CSMD1: variants seen among roughly 807,000 people sequenced by gnomAD.
CSMD1 encodes the protein CUB and Sushi multiple domains 1.
Under a neutral mutation model 417.5 loss-of-function variants are expected in CSMD1, and 213 were observed. The observed-to-expected ratio is 0.51, with a 90% CI of 0.46 to 0.57. CSMD1 has a LOEUF of 0.57. Among genes scored for constraint, CSMD1 ranks in the 20% least tolerant of loss-of-function variants. The pLI is 0.00. For missense variants in CSMD1, 6,923 were observed against 4,529.7 expected (o/e 1.53, Z -15.17); for synonymous variants, 2,862 against 1,736.8 (o/e 1.65, Z -16.11).
chr8:3,266,065 C>T (rs1398392940), intron 26 of CSMD1, among the ~76,000 whole-genome samples: 3 of 151,684 alleles, frequency 2.0e-5, no homozygotes, highest in African/African-American at 7.3e-5. Context: ...GAAGTTATTA[C>T]CTTATGAATC....
At chr8:3,720,978 G>C (rs1258674877) in intron 6 of CSMD1, among the ~76,000 whole-genome samples, 1 of 150,016 alleles carries the variant, frequency 6.7e-6, no homozygotes, top group African/African-American at 2.5e-5. Flanking sequence ...ACTACACCCG[G>C]CTAATTTATT....
intron 1 of CSMD1, among the ~76,000 whole-genome samples, chr8:4,969,851 T>A (rs1462020987): frequency 6.6e-6 from 1 of 151,928 alleles, no homozygotes; most frequent in Non-Finnish European, 1.5e-5. Flanking sequence ...TCTCTTTACT[T>A]AAACAAGTAG....
chr8:4,236,049 T>C (rs75936198), intron 3 of CSMD1, among the ~76,000 whole-genome samples: 1 of 73,098 alleles, frequency 1.4e-5, no homozygotes, highest in Non-Finnish European at 2.9e-5. Flanking sequence ...GTTTTTTTTT[T>C]TTTTTTTTTT....
intron 11 of CSMD1, among the ~76,000 whole-genome samples, chr8:3,488,253 C>A (rs1818173187): frequency 6.6e-6 from 1 of 152,026 alleles, no homozygotes; most frequent in Non-Finnish European, 1.5e-5. Context: ...CAGGCATGCA[C>A]CACCACACCC....
intron 3 of CSMD1, among the ~76,000 whole-genome samples, chr8:4,252,264 C>T (rs1803132198): frequency 6.6e-6 from 1 of 152,176 alleles, no homozygotes; most frequent in Admixed American, 6.5e-5. Flanking sequence ...GCCTTCTGCC[C>T]ATCTTTCCTG....
chr8:4,987,057 A>G lies in CSMD1; in HGVS notation c.85+7275T>C, dbSNP rs576660100. Among the ~76,000 whole-genome samples, 13 of 152,318 alleles carry G rather than the reference A, an allele frequency of 8.5e-5. No individual in the cohort carries two copies. The South Asian group carries it at 2.3e-3, about 27-fold the overall frequency. ...CAGATATATCCATTGCATTTTTACT[A>G]TCTCAAAGTTAGAAGCCATATTTTA... is the stretch of plus-strand genomic sequence containing the variant. On this transcript the variant is annotated intron_variant, in intron 1 of 69. Transcript: ENST00000635120.
chr8:4,030,633 C>G (rs1298243738), intron 4 of CSMD1, among the ~76,000 whole-genome samples: 1 of 152,202 alleles, frequency 6.6e-6, no homozygotes, highest in Non-Finnish European at 1.5e-5. Context: ...CTGACATGCC[C>G]TGGAGGCATT....
chr8:4,026,087 T>C (rs1797051039), intron 4 of CSMD1, among the ~76,000 whole-genome samples: 1 of 152,014 alleles, frequency 6.6e-6, no homozygotes. Context: ...GCAGAATATA[T>C]ACTCATTTCA....
At chr8:4,683,955 A>C (rs193222010) in intron 1 of CSMD1, among the ~76,000 whole-genome samples, 6 of 152,314 alleles carry the variant, frequency 3.9e-5, no homozygotes, top group African/African-American at 1.4e-4. Context: ...ATCAAAAGAT[A>C]TTTATCACAG....
rs1799340207 is a variant in CSMD1, at chr8:3,784,491, A to G, written c.819-30449T>C. 3.9e-5 allele frequency among the ~76,000 whole-genome samples: 6 copies of G among 152,322 alleles called. No homozygotes were observed. The South Asian group carries it at 1.2e-3, about 32-fold the overall frequency. On this transcript the variant is annotated intron_variant, in intron 5 of 69. Transcript: ENST00000635120. Reference sequence around the variant, plus strand: ...TTAAGGTGAACTTCTAGGGATGGGCACTTATTTTTGGACTTGCTAGAATCC... The same window carrying G: ...TTAAGGTGAACTTCTAGGGATGGGCGCTTATTTTTGGACTTGCTAGAATCC...
At chr8:4,824,413 A>G (rs562559828) in intron 1 of CSMD1, among the ~76,000 whole-genome samples, 11 of 152,262 alleles carry the variant, frequency 7.2e-5, no homozygotes, top group Non-Finnish European at 1.5e-4. Context: ...GAGACCTCTA[A>G]GCTAACATGT....
At chr8:3,954,776 A>T (rs1053649551) in intron 5 of CSMD1, among the ~76,000 whole-genome samples, 1 of 151,656 alleles carries the variant, frequency 6.6e-6, no homozygotes, top group African/African-American at 2.4e-5. Flanking sequence ...GTAATGTGGC[A>T]GGGAGTTACA....
At chr8:4,682,674 T>C (rs543791213) in intron 1 of CSMD1, among the ~76,000 whole-genome samples, 1 of 152,050 alleles carries the variant, frequency 6.6e-6, no homozygotes, top group East Asian at 1.9e-4. Flanking sequence ...ATCACAATAG[T>C]GTACAGCTTC....
At chr8:4,709,309 T>A (rs1373206268) in intron 1 of CSMD1, among the ~76,000 whole-genome samples, 1 of 152,134 alleles carries the variant, frequency 6.6e-6, no homozygotes, top group South Asian at 2.1e-4. Context: ...TGCTGAACTA[T>A]GGAGGTTGAT....
Position 4,869,504 on chromosome 8 carries a change from G to T in CSMD1, c.85+124828C>A, listed in dbSNP as rs182231286. On this transcript the variant is annotated intron_variant, in intron 1 of 69. Transcript: ENST00000635120. ...ATGCAGTCAAAAGTTTAAACTCAAG[G>T]TAGTTGATATCTAGGATAGTGTATC... 1.6e-3 allele frequency among the ~76,000 whole-genome samples: 237 copies of T among 152,080 alleles called. 2 individuals carry two copies. Among genetic ancestry groups the T allele is most frequent in the African/African-American group, 5.3e-3 (219 of 41,454 alleles).
At chr8:4,845,489 C>G (rs1413408467) in intron 1 of CSMD1, among the ~76,000 whole-genome samples, 1 of 152,190 alleles carries the variant, frequency 6.6e-6, no homozygotes, top group African/African-American at 2.4e-5. Context: ...AACGACAATT[C>G]ACCAATTTTG....
At chr8:4,731,826 T>A (rs945610212) in intron 1 of CSMD1, among the ~76,000 whole-genome samples, 2 of 152,168 alleles carry the variant, frequency 1.3e-5, no homozygotes, top group Non-Finnish European at 2.9e-5. Context: ...ACAGTGTTTT[T>A]CTTATTGTGT....
chr8:3,940,597 G>T (rs895567633), intron 5 of CSMD1, among the ~76,000 whole-genome samples: 1 of 148,742 alleles, frequency 6.7e-6, no homozygotes, highest in Non-Finnish European at 1.5e-5. Context: ...CAACAAAAAA[G>T]AACATATACA....
intron 33 of CSMD1, among the ~76,000 whole-genome samples, chr8:3,195,036 C>T (rs1796626519): frequency 6.6e-6 from 1 of 152,108 alleles, no homozygotes; most frequent in Admixed American, 6.6e-5. Context: ...TACAGTAAAT[C>T]CTTGCAGTTT....
Sources: allele counts gnomAD v4.1 joint callset (sites outside exome capture counted in the v4.1 genomes callset), GRCh38; gene constraint gnomAD v4.1.1; transcripts MANE v1.5; gene names NCBI Gene and HGNC (gene_info 2026-07-23, HGNC 2026-07-21).